LDB2: variants seen among roughly 807,000 people sequenced by gnomAD.
LDB2 encodes LIM domain-binding protein 2.
A neutral mutation model predicts 44.3 loss-of-function variants in LDB2; 12 were observed. That is an observed-to-expected ratio of 0.27 (90% CI 0.17 to 0.44). The LOEUF (loss-of-function observed/expected upper bound fraction) is 0.44. LDB2 is among the 20% of genes least tolerant of loss of function. LDB2 has a pLI of 1.00. For synonymous variants in LDB2, 164 were observed against 174.8 expected (o/e 0.94, Z 0.49); for missense variants, 344 against 473.5 (o/e 0.73, Z 2.54).
At position 16,502,698 on chromosome 4, in the gene LDB2, G is replaced by A; in HGVS notation, c.1067C>T (p.Pro356Leu). 2 of 1,613,954 alleles carry A rather than the reference G, an allele frequency of 1.2e-6. No individual in the cohort carries two copies. Among genetic ancestry groups the A allele is most frequent in the South Asian group, 1.1e-5 (1 of 91,078 alleles). Residue 356 changes from proline (P) to leucine (L), a missense_variant, in exon 8 of 8, where the codon CCT becomes CTT. By Grantham distance (98) the Pro-to-Leu change is moderately conservative. Transcript: ENST00000304523. ...LGNNSPWNSK[P>L]PATQETKSEN... Reference sequence around the variant, plus strand: ...TGATTTGGTCTCTTGAGTGGCGGGAGGTTTACTGTTCCACGGGCTGTTGTT... The same window carrying A: ...TGATTTGGTCTCTTGAGTGGCGGGAAGTTTACTGTTCCACGGGCTGTTGTT...
intron 1 of LDB2, among the ~76,000 whole-genome samples, chr4:16,811,005 A>G (rs531402766): frequency 3.7e-4 from 57 of 152,344 alleles, no homozygotes; most frequent in Admixed American, 7.8e-4. Flanking sequence ...ACCTCAGATC[A>G]TCAGACATTA....
chr4:16,542,035 G>A (rs1189346335), intron 5 of LDB2, among the ~76,000 whole-genome samples: 6 of 141,810 alleles, frequency 4.2e-5, no homozygotes, highest in South Asian at 4.6e-4. Flanking sequence ...CCAGATGCCC[G>A]GCTCCTCACT....
At position 16,595,691 on chromosome 4, in the gene LDB2, C is replaced by G. The variant is rs1458967604; in HGVS notation, c.408+12G>C. ...AGGAAAAGCCGGGCATGTGACAGAG[C>G]CTGTCCTGTACCTTGGTAAACATGG... On this transcript the variant is annotated intron_variant, in intron 3 of 7. Coordinates refer to ENST00000304523, the MANE Select transcript of LDB2 (RefSeq NM_001290.5). 1.2e-6 allele frequency: 2 copies of G among 1,610,076 alleles called. No individual in the cohort carries two copies. Among genetic ancestry groups the G allele is most frequent in the Non-Finnish European group, 1.7e-6 (2 of 1,178,286 alleles).
At chr4:16,736,303 C>T (rs1187360312) in intron 2 of LDB2, among the ~76,000 whole-genome samples, 5 of 152,320 alleles carry the variant, frequency 3.3e-5, no homozygotes, top group East Asian at 1.9e-4. Context: ...GTCAATGAAA[C>T]GTCTTCCCAA....
intron 1 of LDB2, among the ~76,000 whole-genome samples, chr4:16,785,969 C>T (rs141195917): frequency 3.2e-4 from 48 of 152,192 alleles, no homozygotes; most frequent in African/African-American, 1.0e-3. Context: ...GCAGAAGATA[C>T]GATGAGATGA....
intron 2 of LDB2, among the ~76,000 whole-genome samples, chr4:16,617,054 A>T (rs1259885280): frequency 6.6e-6 from 1 of 152,052 alleles, no homozygotes; most frequent in East Asian, 1.9e-4. Context: ...CTCTCCTCAG[A>T]GGGAACATTT....
At chr4:16,759,961 T>C (rs775491581) in intron 1 of LDB2, among the ~76,000 whole-genome samples, 7 of 152,212 alleles carry the variant, frequency 4.6e-5, no homozygotes, top group Non-Finnish European at 1.0e-4. Flanking sequence ...CTCCTGCTCA[T>C]GCAGAAAACA....
intron 2 of LDB2, among the ~76,000 whole-genome samples, chr4:16,668,925 T>C (rs1744022024): frequency 1.3e-5 from 2 of 152,156 alleles, no homozygotes; most frequent in Non-Finnish European, 1.5e-5. Context: ...AGCTTCTCTT[T>C]TCCAATCGCT....
chr4:16,537,970 C>A (rs897761421), intron 5 of LDB2, among the ~76,000 whole-genome samples: 10 of 152,194 alleles, frequency 6.6e-5, no homozygotes, highest in African/African-American at 2.4e-4. Context: ...GGGTGTTTTA[C>A]ATTTATATTG....
intron 2 of LDB2, among the ~76,000 whole-genome samples, chr4:16,625,474 A>G (rs760409395): frequency 2.0e-5 from 3 of 152,168 alleles, no homozygotes; most frequent in Non-Finnish European, 2.9e-5. Context: ...AAGGACTTCA[A>G]ACTGTCTGAC....
chr4:16,855,407 G>A (rs1789159729), intron 1 of LDB2, among the ~76,000 whole-genome samples: 1 of 152,086 alleles, frequency 6.6e-6, no homozygotes, highest in Non-Finnish European at 1.5e-5. Context: ...TTAATTTTCT[G>A]AGGGACAGAC....
At chr4:16,728,117 A>G (rs1407745064) in intron 2 of LDB2, among the ~76,000 whole-genome samples, 1 of 152,230 alleles carries the variant, frequency 6.6e-6, no homozygotes, top group African/African-American at 2.4e-5. Context: ...GAGGATGCTT[A>G]AAGAAAAAGT....
At chr4:16,570,462 CAAAAAAAAAAAAAAAAAAAAAAAAAAAA>C (rs71181175) in intron 5 of LDB2, among the ~76,000 whole-genome samples, 10 of 16,606 alleles carry the variant, frequency 6.0e-4, no homozygotes, top group Middle Eastern at 0.083. Context: ...GACTCTGTCT[CAAAAAAAAAAAAAAAAAAAAAAAAAAAA>C]AAAAAAAAAA....
chr4:16,695,766 TATA>T (rs1751985897), intron 2 of LDB2, among the ~76,000 whole-genome samples: 1 of 152,196 alleles, frequency 6.6e-6, no homozygotes, highest in Non-Finnish European at 1.5e-5. Context: ...AAACTTTATT[TATA>T]GACACTGAAA....
chr4:16,762,126 G>A (rs1357031541), intron 1 of LDB2, among the ~76,000 whole-genome samples: 1 of 152,090 alleles, frequency 6.6e-6, no homozygotes, highest in Non-Finnish European at 1.5e-5. Flanking sequence ...AACCTGTGAG[G>A]CAGAGGTAGC....
chr4:16,508,626 GTGC>G lies in LDB2; in HGVS notation c.797_799del (p.Ser266del). On this transcript the variant is annotated inframe_deletion, in exon 7 of 8. Coordinates refer to ENST00000304523, the MANE Select transcript of LDB2 (RefSeq NM_001290.5). Reference sequence around the variant, plus strand: ...ATTGTTCCCAGCGCTGCTGTTGGAAGTGCTGCTGGTGGAATTTTTCCTTTTTCT... The same window carrying G: ...ATTGTTCCCAGCGCTGCTGTTGGAAGTGCTGGTGGAATTTTTCCTTTTTCT... 6.2e-7 allele frequency: 1 copy of G among 1,613,816 alleles called. No homozygotes were observed. Among genetic ancestry groups the G allele is most frequent in the Non-Finnish European group, 8.5e-7 (1 of 1,179,858 alleles).
intron 1 of LDB2, among the ~76,000 whole-genome samples, chr4:16,781,723 CA>C (rs1181826103): frequency 2.0e-5 from 3 of 152,152 alleles, no homozygotes; most frequent in Non-Finnish European, 4.4e-5. Context: ...CCCTATAATT[CA>C]TGTCTGCCTG....
intron 2 of LDB2, among the ~76,000 whole-genome samples, chr4:16,722,314 G>A (rs1244399114): frequency 6.6e-6 from 1 of 152,080 alleles, no homozygotes; most frequent in Non-Finnish European, 1.5e-5. Context: ...TGCCCAGCAG[G>A]GGTCATGTTA....
rs1738909631 is a variant in LDB2, at chr4:16,653,588, A to G, written c.236-57713T>C. 2 of 152,270 alleles carry G rather than the reference A, an allele frequency of 1.3e-5. 1 individual carries two copies. The highest frequency in any genetic ancestry group is 4.1e-4 in the South Asian group (2 of 4,834). The allele number at this position is 152,270 out of a possible 1,614,324, so 9.4% of individuals were successfully genotyped here. Reference sequence around the variant, plus strand: ...CCCCACTCTTCTCCAAAGTGTTTAAAGCAGGCAACACAGCCGAGTAGTTCA... The same window carrying G: ...CCCCACTCTTCTCCAAAGTGTTTAAGGCAGGCAACACAGCCGAGTAGTTCA... On this transcript the variant is annotated intron_variant, in intron 2 of 7. Coordinates refer to ENST00000304523, the MANE Select transcript of LDB2 (RefSeq NM_001290.5).
Sources: allele counts gnomAD v4.1 joint callset (sites outside exome capture counted in the v4.1 genomes callset), GRCh38; gene constraint gnomAD v4.1.1; transcripts MANE v1.5; gene names NCBI Gene and HGNC (gene_info 2026-07-23, HGNC 2026-07-21).